Variants in BCKDHA observed in about 807,000 individuals in gnomAD.
BCKDHA encodes 2-oxoisovalerate dehydrogenase subunit alpha, mitochondrial.
Under a neutral mutation model 52.2 loss-of-function variants are expected in BCKDHA, and 43 were observed. That is an observed-to-expected ratio of 0.82 (90% CI 0.64 to 1.06). The LOEUF is 1.06. Ranked by LOEUF, BCKDHA falls within the 50% of genes least tolerant of loss-of-function variation. BCKDHA has a pLI of 0.00. For synonymous variants in BCKDHA, 234 were observed against 247.9 expected (o/e 0.94, Z 0.53); for missense variants, 527 against 621.3 (o/e 0.85, Z 1.61).
chr19:41,424,078 C>T (rs570245160), intron 8 of BCKDHA, among the ~76,000 whole-genome samples: 41 of 152,212 alleles, frequency 2.7e-4, no homozygotes, highest in African/African-American at 8.9e-4. Flanking sequence ...GTGCCACCCT[C>T]CCTGGCCCGG....
chr19:41,417,407 G>A (rs2039317453), intron 4 of BCKDHA, among the ~76,000 whole-genome samples: 1 of 152,102 alleles, frequency 6.6e-6, no homozygotes, highest in Non-Finnish European at 1.5e-5. Flanking sequence ...CTGATTCCAA[G>A]GTCCTGTATC....
At chr19:41,410,899 G>C (rs199704138) in intron 2 of BCKDHA, 24 bp from the exon 3 acceptor site, 3 of 1,613,932 alleles carry the variant, frequency 1.9e-6, no homozygotes, top group Non-Finnish European at 2.5e-6. Flanking sequence ...ACTGCCCCAC[G>C]TCTATCTGTG....
intron 2 of BCKDHA, 51 bp downstream of exon 2, chr19:41,410,867 G>A: frequency 6.2e-7 from 1 of 1,613,686 alleles, no homozygotes; most frequent in South Asian, 1.1e-5. Flanking sequence ...CAGGCCCCTT[G>A]CCTGTCTCCT....
intron 1 of BCKDHA, among the ~76,000 whole-genome samples, chr19:41,407,371 A>T (rs2039204895): frequency 1.3e-5 from 2 of 152,154 alleles, no homozygotes; most frequent in African/African-American, 4.8e-5. Flanking sequence ...CAGCCCATTC[A>T]TGCATTCACT....
intron 8 of BCKDHA, among the ~76,000 whole-genome samples, chr19:41,424,000 A>G (rs111838742): frequency 6.6e-6 from 1 of 152,082 alleles, no homozygotes; most frequent in African/African-American, 2.4e-5. Context: ...CTTAAAAAAA[A>G]AAAAAAGCTG....
chr19:41,401,926 C>T (rs1319464098), intron 1 of BCKDHA, among the ~76,000 whole-genome samples: 1 of 152,110 alleles, frequency 6.6e-6, no homozygotes, highest in African/African-American at 2.4e-5. Flanking sequence ...TGTATTAGTC[C>T]GTTTTCAGGC....
At chr19:41,423,220 G>A in intron 8 of BCKDHA, 51 bp downstream of exon 8, 1 of 1,546,476 alleles carries the variant, frequency 6.5e-7, no homozygotes, top group East Asian at 2.4e-5. Context: ...GCGGCCTGCA[G>A]AGCTTGGGAA....
intron 8 of BCKDHA, among the ~76,000 whole-genome samples, chr19:41,423,965 C>G (rs1283030899): frequency 2.6e-5 from 4 of 152,006 alleles, no homozygotes; most frequent in Non-Finnish European, 5.9e-5. Flanking sequence ...TGCACTCCAG[C>G]CTGGGCAACA....
At chr19:41,422,807 C>A in intron 7 of BCKDHA, 37 bp downstream of exon 7, 1 of 1,611,816 alleles carries the variant, frequency 6.2e-7, no homozygotes. Flanking sequence ...CCCCACAGCA[C>A]TGACAGCCAC....
In BCKDHA at chr19:41,424,869, G is replaced by C. The variant is rs912515522; in HGVS notation, c.*261G>C. 1.1e-5 allele frequency: 5 copies of C among 456,318 alleles called. No individual in the cohort carries two copies. Among genetic ancestry groups the C allele is most frequent in the Non-Finnish European group, 2.0e-5 (5 of 254,114 alleles). 28.3% of individuals were successfully genotyped at this position (456,318 alleles called of 1,614,324 possible). ...TTACAGTGCCTTCTCCCAGGGGCTG[G>C]GTGAGGGCACATTCAGGACTAGAAG... On this transcript the variant is annotated 3_prime_UTR_variant, in exon 9 of 9. Coordinates refer to ENST00000269980, the MANE Select transcript of BCKDHA (RefSeq NM_000709.4).
chr19:41,412,948 CCT>C (rs1298214425), intron 3 of BCKDHA, among the ~76,000 whole-genome samples: 1 of 152,224 alleles, frequency 6.6e-6, no homozygotes, highest in Middle Eastern at 3.2e-3. Flanking sequence ...AAGTGATCCG[CCT>C]GCCTTGGCCT....
chr19:41,422,861 CT>C (rs2039384744), intron 7 of BCKDHA, 91 bp downstream of exon 7: 1 of 1,596,662 alleles, frequency 6.3e-7, no homozygotes, highest in East Asian at 2.3e-5. Context: ...AAAACATGGC[CT>C]TATCACCTGA....
At chr19:41,406,668 C>T (rs1189618238) in intron 1 of BCKDHA, among the ~76,000 whole-genome samples, 1 of 151,996 alleles carries the variant, frequency 6.6e-6, no homozygotes, top group Non-Finnish European at 1.5e-5. Context: ...CTCCCAGGTT[C>T]AAGCCATTCT....
intron 1 of BCKDHA, among the ~76,000 whole-genome samples, chr19:41,406,082 C>A (rs771095623): frequency 2.0e-5 from 3 of 152,170 alleles, no homozygotes; most frequent in Non-Finnish European, 4.4e-5. Context: ...GCGTGGAGCC[C>A]TTTGCATAGC....
At position 41,422,619 on chromosome 19, in the gene BCKDHA, G is replaced by A; in HGVS notation, c.854-10G>A. On this transcript the variant is annotated splice_polypyrimidine_tract_variant and intron_variant, in intron 6 of 8. Coordinates refer to ENST00000269980, the MANE Select transcript of BCKDHA (RefSeq NM_000709.4). Reference sequence around the variant, plus strand: ...CCCTGGCCTGACCTGCCTTCTCTGTGTCCCCACAGCAGCACGAGGCCCCGG... The same window carrying A: ...CCCTGGCCTGACCTGCCTTCTCTGTATCCCCACAGCAGCACGAGGCCCCGG... 1 of 1,613,852 alleles carries A rather than the reference G, an allele frequency of 6.2e-7. No individual in the cohort carries two copies. The highest frequency in any genetic ancestry group is 8.5e-7 in the Non-Finnish European group (1 of 1,180,032).
At position 41,424,500 on chromosome 19, in the gene BCKDHA, A is replaced by G; in HGVS notation, c.1230A>G (p.Ser410=). 6.2e-7 allele frequency: 1 copy of G among 1,614,108 alleles called. No individual in the cohort carries two copies. Among genetic ancestry groups the G allele is most frequent in the African/African-American group, 1.3e-5 (1 of 75,042 alleles). The change falls in exon 9 of 9, where the codon TCA becomes TCG. Residue 410 remains serine (S), a synonymous_variant. Transcript: ENST00000269980. ...KPKPNPNLLF[S]DVYQEMPAQL... Reference sequence around the variant, plus strand: ...AACCCAACCCCAACCTACTCTTCTCAGACGTGTATCAGGAGATGCCCGCCC... The same window carrying G: ...AACCCAACCCCAACCTACTCTTCTCGGACGTGTATCAGGAGATGCCCGCCC...
At chr19:41,423,243 C>A in intron 8 of BCKDHA, 74 bp downstream of exon 8, 1 of 1,540,702 alleles carries the variant, frequency 6.5e-7, no homozygotes, top group Non-Finnish European at 8.7e-7. Context: ...ATTTGTGGAA[C>A]ACCGAACTGG....
intron 1 of BCKDHA, among the ~76,000 whole-genome samples, chr19:41,402,162 G>A (rs2039145810): frequency 6.6e-6 from 1 of 152,084 alleles, no homozygotes; most frequent in Non-Finnish European, 1.5e-5. Context: ...AGAACAGCAC[G>A]TGAAAGATCC....
At position 41,419,281 on chromosome 19, in the gene BCKDHA, A is replaced by G; in HGVS notation, c.631A>G (p.Thr211Ala). 6.2e-7 allele frequency: 1 copy of G among 1,613,690 alleles called. No homozygotes were observed. Among genetic ancestry groups the G allele is most frequent in the Non-Finnish European group, 8.5e-7 (1 of 1,179,828 alleles). Residue 211 changes from threonine (T) to alanine (A), a missense_variant, in exon 5 of 9, where the codon ACG becomes GCG. Coordinates refer to ENST00000269980, the MANE Select transcript of BCKDHA (RefSeq NM_000709.4). Reference protein sequence around the residue: ...HFVTISSPLATQIPQAVGAAY... With the variant: ...HFVTISSPLAAQIPQAVGAAY... The stretch of plus-strand genomic sequence containing the variant: ...CGTCACTATCTCCTCTCCACTGGCC[A>G]CGCAGATCCCTCAGGGTGAGGATGC...
Sources: gnomAD v4.1 joint callset for allele counts (sites outside exome capture counted in the v4.1 genomes callset) on GRCh38, gnomAD v4.1.1 for gene constraint, MANE v1.5 for transcripts, NCBI Gene and HGNC (gene_info 2026-07-23, HGNC 2026-07-21) for gene names.